Variants in TMEM108 observed in about 807,000 individuals in gnomAD.
TMEM108 encodes transmembrane protein 108.
In TMEM108, 12 loss-of-function variants were observed where a neutral mutation model predicts 35.1. That is an observed-to-expected ratio of 0.34 (90% CI 0.22 to 0.55). The LOEUF is 0.55. Ranked by LOEUF, TMEM108 falls within the 20% of genes least tolerant of loss-of-function variation. TMEM108 has a pLI of 0.89. For synonymous variants in TMEM108, 287 were observed against 308.6 expected, an observed-to-expected ratio of 0.93 and a Z score of 0.73; for missense variants, 680 against 753.3, an observed-to-expected ratio of 0.90 and a Z score of 1.14.
chr3:133,249,090 G>A (rs76158329), intron 3 of TMEM108, among the ~76,000 whole-genome samples: 3,517 of 152,256 alleles, frequency 0.023, 51 homozygotes, highest in Middle Eastern at 0.034. Flanking sequence ...GGAAAGGCCA[G>A]AAAGGAAGCA....
At position 133,241,609 on chromosome 3, in the gene TMEM108, C is replaced by CTT. The variant is rs71136458; in HGVS notation, c.40+12280_40+12281dup. ...GAGTGTTTGTATTAGTTTCCTGTGG[C>CTT]TTTTTTTTTTTTTTTTTTTTTTTGA... is the stretch of plus-strand genomic sequence containing the variant. On this transcript the variant is annotated intron_variant, in intron 3 of 5. Coordinates refer to ENST00000321871, the MANE Select transcript of TMEM108 (RefSeq NM_023943.4). Among the ~76,000 whole-genome samples the CTT allele has an allele frequency of 5.9e-3, 448 of 76,186 alleles. 2 individuals are homozygous for CTT. The highest frequency in any genetic ancestry group is 9.9e-3 in the South Asian group (15 of 1,516). 50.0% of individuals were successfully genotyped at this position (76,186 alleles called of 152,430 possible). A position where few individuals can be genotyped will look rare whatever the true frequency, so the allele number is the denominator to read the frequency against.
chr3:133,068,179 A>G, intron 2 of TMEM108, among the ~76,000 whole-genome samples: 1 of 152,082 alleles, frequency 6.6e-6, no homozygotes, highest in East Asian at 1.9e-4. Flanking sequence ...TGCATTGGGG[A>G]TTAAGTTTCC....
At chr3:133,344,819 A>G (rs1254646285) in intron 3 of TMEM108, among the ~76,000 whole-genome samples, 1 of 151,886 alleles carries the variant, frequency 6.6e-6, no homozygotes, top group African/African-American at 2.4e-5. Context: ...TTTGTATTAC[A>G]TATTTAGTGT....
In TMEM108 at chr3:133,371,621, A is replaced by C. The variant is rs920513548; in HGVS notation, c.41-8131A>C. 2.3e-4 allele frequency among the ~76,000 whole-genome samples: 34 copies of C among 147,140 alleles called. 2 individuals are homozygous for C. Among genetic ancestry groups the C allele is most frequent in the African/African-American group, 7.6e-4 (29 of 38,102 alleles). On this transcript the variant is annotated intron_variant, in intron 3 of 5. Coordinates refer to ENST00000321871, the MANE Select transcript of TMEM108 (RefSeq NM_023943.4). ...AGCCAGTCACAAACCCACAAAAAAA[A>C]AAAAAAAAAAAAAAAAAACCCACCC...
At chr3:133,093,157 T>A (rs1440639772) in intron 2 of TMEM108, among the ~76,000 whole-genome samples, 1 of 152,060 alleles carries the variant, frequency 6.6e-6, no homozygotes, top group Non-Finnish European at 1.5e-5. Context: ...ATCTGGCTAA[T>A]TTTTTGTATT....
intron 2 of TMEM108, among the ~76,000 whole-genome samples, chr3:133,073,510 C>CTATATATATATATATATATA (rs1183039173): frequency 4.6e-5 from 2 of 43,910 alleles, no homozygotes; most frequent in South Asian, 8.3e-4. Flanking sequence ...CTCTCTCTCT[C>CTATATATATATATATATATA]TATATATATA....
chr3:133,076,974 T>C (rs1943749762), intron 2 of TMEM108, among the ~76,000 whole-genome samples: 1 of 152,372 alleles, frequency 6.6e-6, no homozygotes, highest in African/African-American at 2.4e-5. Context: ...GACAGCACTC[T>C]GAGCTGGGAG....
chr3:133,381,298 A>G (rs2073006324), intron 4 of TMEM108, 137 bp downstream of exon 4: 1 of 926,794 alleles, frequency 1.1e-6, no homozygotes, highest in Non-Finnish European at 1.6e-6. Flanking sequence ...ACTAGGTATC[A>G]GGACAGGTTA....
intron 1 of TMEM108, among the ~76,000 whole-genome samples, chr3:133,045,479 G>C (rs1308654221): frequency 6.6e-6 from 1 of 152,156 alleles, no homozygotes; most frequent in Non-Finnish European, 1.5e-5. Flanking sequence ...CAGCCCATAA[G>C]GTTAAGTGTG....
chr3:133,212,950 G>A (rs189566330), intron 2 of TMEM108, among the ~76,000 whole-genome samples: 5 of 151,272 alleles, frequency 3.3e-5, no homozygotes, highest in Non-Finnish European at 7.4e-5. Flanking sequence ...TGGAAGTGAA[G>A]GATATTCCTG....
chr3:133,209,933 G>A (rs767337255), intron 2 of TMEM108, among the ~76,000 whole-genome samples: 5 of 151,938 alleles, frequency 3.3e-5, no homozygotes, highest in Non-Finnish European at 5.9e-5. Flanking sequence ...ACATCCCTAT[G>A]AATCAAGCAG....
rs55867564 is a variant in TMEM108 at position 133,373,384 on chromosome 3, TGATAGATAGATAGATAGATAGATA to T, written c.41-6331_41-6308del. Among the ~76,000 whole-genome samples the T allele has an allele frequency of 2.5e-3, 341 of 136,296 alleles. 1 individual carries two copies. Among genetic ancestry groups the T allele is most frequent in the East Asian group, 7.2e-3 (34 of 4,750 alleles). 89.4% of individuals were successfully genotyped at this position (136,296 alleles called of 152,430 possible). ...AAAAAAAGAAATTTAGATAGATAGATGATAGATAGATAGATAGATAGATAGATAGATAGATAGATAGATAGATAG... is the reference window on the plus strand; with the variant it reads ...AAAAAAAGAAATTTAGATAGATAGATGATAGATAGATAGATAGATAGATAG... On this transcript the variant is annotated intron_variant, in intron 3 of 5. Coordinates refer to ENST00000321871, the MANE Select transcript of TMEM108 (RefSeq NM_023943.4).
At chr3:133,119,771 C>CTT (rs1366798565) in intron 2 of TMEM108, among the ~76,000 whole-genome samples, 4 of 152,176 alleles carry the variant, frequency 2.6e-5, no homozygotes, top group Non-Finnish European at 5.9e-5. Flanking sequence ...TTTTTAAAAA[C>CTT]TTGCCCATAA....
intron 3 of TMEM108, among the ~76,000 whole-genome samples, chr3:133,313,476 C>T (rs547217441): frequency 4.6e-5 from 7 of 152,280 alleles, no homozygotes; most frequent in Non-Finnish European, 7.4e-5. Flanking sequence ...TGAGCCACCG[C>T]GCCTGGCCAA....
chr3:133,112,589 A>G (rs1316559506), intron 2 of TMEM108, among the ~76,000 whole-genome samples: 1 of 152,230 alleles, frequency 6.6e-6, no homozygotes. Context: ...GCATTCTTTT[A>G]TCTTCCCTCA....
At chr3:133,308,522 T>A (rs1465634107) in intron 3 of TMEM108, among the ~76,000 whole-genome samples, 2 of 152,148 alleles carry the variant, frequency 1.3e-5, no homozygotes. Flanking sequence ...CTTACTGTTT[T>A]GAGATATGTT....
chr3:133,202,248 G>C (rs140159495), intron 2 of TMEM108, among the ~76,000 whole-genome samples: 5,831 of 152,204 alleles, frequency 0.038, 347 homozygotes, highest in African/African-American at 0.13. Context: ...TAGGTTGCCT[G>C]TTCACTCTGA....
At chr3:133,307,362 G>A (rs1199913139) in intron 3 of TMEM108, among the ~76,000 whole-genome samples, 7 of 152,140 alleles carry the variant, frequency 4.6e-5, no homozygotes, top group Non-Finnish European at 7.3e-5. Flanking sequence ...CCGTGCAGAA[G>A]CTCTTTAGTT....
At chr3:133,159,687 G>A (rs1186612289) in intron 2 of TMEM108, among the ~76,000 whole-genome samples, 1 of 152,178 alleles carries the variant, frequency 6.6e-6, no homozygotes, top group Non-Finnish European at 1.5e-5. Context: ...TTTTGCGGAT[G>A]AGGGAGCTGA....
Sources: gnomAD v4.1 joint callset for allele counts (sites outside exome capture counted in the v4.1 genomes callset) on GRCh38, gnomAD v4.1.1 for gene constraint, MANE v1.5 for transcripts, NCBI Gene and HGNC (gene_info 2026-07-23, HGNC 2026-07-21) for gene names.